Variants in ABCA13 observed in about 807,000 individuals in gnomAD.
ABCA13 encodes the protein ATP binding cassette subfamily A member 13.
Under a neutral mutation model 478.7 loss-of-function variants are expected in ABCA13, and 476 were observed. The ratio of observed to expected loss-of-function variants is 0.99; its 90% confidence interval spans 0.92 to 1.07. The LOEUF (loss-of-function observed/expected upper bound fraction) is 1.07. ABCA13 is among the 50% of genes least tolerant of loss of function. The pLI, the probability that ABCA13 is intolerant of heterozygous loss-of-function variation, is 0.00. For missense variants in ABCA13, 6,060 were observed against 5,910.6 expected (o/e 1.03, Z -0.83); for synonymous variants, 2,252 against 2,158.9 (o/e 1.04, Z -1.20).
At chr7:48,370,055 G>A (rs1484365947) in intron 32 of ABCA13, among the ~76,000 whole-genome samples, 1 of 152,014 alleles carries the variant, frequency 6.6e-6, no homozygotes, top group African/African-American at 2.4e-5. Context: ...TGCGTCATCT[G>A]TGATTTCTTT....
chr7:48,485,050 T>C (rs1275136874), intron 47 of ABCA13, among the ~76,000 whole-genome samples: 2 of 152,218 alleles, frequency 1.3e-5, no homozygotes, highest in South Asian at 2.1e-4. Context: ...TTGTAGAATG[T>C]CTCTTGTGTG....
intron 55 of ABCA13, among the ~76,000 whole-genome samples, chr7:48,575,096 T>C (rs1788039552): frequency 6.6e-6 from 1 of 152,042 alleles, no homozygotes; most frequent in Non-Finnish European, 1.5e-5. Flanking sequence ...CATTTTATGG[T>C]ACATACTTAG....
Position 48,276,163 on chromosome 7 carries a change from C to T in ABCA13, c.6497C>T (p.Ala2166Val). The change falls in exon 17 of 62, where the codon GCT (alanine) becomes GTT (valine). Residue 2166 changes from alanine (A) to valine (V), a missense_variant. Coordinates refer to ENST00000435803, the MANE Select transcript of ABCA13 (RefSeq NM_152701.5). ...EDIALLAKAI[A>V]TFWGSLKNIS... ...ATAGCTTTGTTAGCCAAAGCTATTG[C>T]TACTTTTTGGGGCTCTTTAAAAAAT... 2 of 1,595,256 alleles carry T rather than the reference C, an allele frequency of 1.3e-6. No homozygotes were observed. The highest frequency in any genetic ancestry group is 1.7e-6 in the Non-Finnish European group (2 of 1,171,052).
chr7:48,603,396 A>G (rs1013560842), intron 58 of ABCA13, among the ~76,000 whole-genome samples: 4 of 152,166 alleles, frequency 2.6e-5, no homozygotes, highest in Admixed American at 2.0e-4. Flanking sequence ...ATTTTGCAGT[A>G]TGTTCCATCA....
intron 1 of ABCA13, among the ~76,000 whole-genome samples, chr7:48,179,076 G>A (rs535952526): frequency 4.6e-5 from 7 of 151,598 alleles, no homozygotes; most frequent in Admixed American, 2.0e-4. Context: ...GTGAATGCAG[G>A]TCTCCTTGGG....
intron 55 of ABCA13, among the ~76,000 whole-genome samples, chr7:48,542,063 T>G (rs1475981415): frequency 6.6e-6 from 1 of 151,590 alleles, no homozygotes; most frequent in East Asian, 1.9e-4. Context: ...CTAAATAAAA[T>G]ACATTCTTTG....
At chr7:48,351,827 C>G (rs1215224887) in intron 30 of ABCA13, among the ~76,000 whole-genome samples, 1 of 152,036 alleles carries the variant, frequency 6.6e-6, no homozygotes, top group Non-Finnish European at 1.5e-5. Context: ...GATAAGTAAC[C>G]CCAAAGAGAT....
At chr7:48,512,583 A>C (rs1036464305) in intron 51 of ABCA13, among the ~76,000 whole-genome samples, 1 of 152,222 alleles carries the variant, frequency 6.6e-6, no homozygotes, top group Non-Finnish European at 1.5e-5. Context: ...CTCTATTTCA[A>C]GTAAAATAGA....
At position 48,274,152 on chromosome 7, in the gene ABCA13, T is replaced by A. The variant is rs1161097390; in HGVS notation, c.4486T>A (p.Ser1496Thr). ...FEILLALLNDSTKQVRMSINN... is the reference protein window; with the variant it reads ...FEILLALLNDTTKQVRMSINN... ...GATTTTATTAGCTCTTTTAAATGAT[T>A]CCACAAAGCAAGTAAGGATGAGTAT... The change falls in exon 17 of 62, where the codon TCC becomes ACC. Residue 1496 changes from serine to threonine, a missense_variant. Physicochemically the swap from Ser to Thr is moderately conservative, Grantham distance 58. This residue lies in a region of ABCA13 where 4,423 missense variants were observed against 4,309.1 expected (regional missense o/e 1.03). Transcript: ENST00000435803. 1 of 1,609,776 alleles carries A rather than the reference T, an allele frequency of 6.2e-7. No homozygotes were observed.
chr7:48,267,976 C>A (rs1795081402), intron 15 of ABCA13, among the ~76,000 whole-genome samples: 1 of 151,934 alleles, frequency 6.6e-6, no homozygotes. Flanking sequence ...ATTTGTTAGG[C>A]AGGACTGGCA....
intron 55 of ABCA13, among the ~76,000 whole-genome samples, chr7:48,579,981 T>G (rs2131361617): frequency 6.6e-6 from 1 of 152,292 alleles, no homozygotes; most frequent in African/African-American, 2.4e-5. Flanking sequence ...GATAAAGAGC[T>G]TTTCCTTTGT....
intron 23 of ABCA13, among the ~76,000 whole-genome samples, chr7:48,302,558 CATT>C (rs1437115887): frequency 2.6e-5 from 4 of 152,172 alleles, no homozygotes; most frequent in African/African-American, 7.2e-5. Context: ...CATGTGTTCT[CATT>C]ATTTAGCTCC....
chr7:48,585,559 G>C (rs1423090560), intron 56 of ABCA13, among the ~76,000 whole-genome samples: 1 of 152,072 alleles, frequency 6.6e-6, no homozygotes, highest in Admixed American at 6.6e-5. Context: ...TTACTGGGGG[G>C]CATAATGATT....
intron 28 of ABCA13, 21 bp from the exon 29 acceptor site, chr7:48,338,344 A>G (rs778780602): frequency 3.1e-5 from 47 of 1,494,024 alleles, no homozygotes; most frequent in Admixed American, 3.9e-5. Context: ...ATTTTTATTA[A>G]GCTATATTAT....
intron 28 of ABCA13, 69 bp from the exon 29 acceptor site, chr7:48,338,296 C>A: frequency 1.7e-6 from 2 of 1,160,386 alleles, no homozygotes; most frequent in South Asian, 2.1e-5. Flanking sequence ...TTGAATAAGT[C>A]TAATAAGTAT....
Position 48,281,262 on chromosome 7 carries a change from T to C in ABCA13, c.8727-81T>C. The C allele has an allele frequency of 3.5e-6, 4 of 1,150,824 alleles. No individual in the cohort carries two copies. In the South Asian group the frequency reaches 4.0e-5, roughly 11 times the overall value. The allele number at this position is 1,150,824 out of a possible 1,614,324, so 71.3% of individuals were successfully genotyped here. A position where few individuals can be genotyped will look rare whatever the true frequency, so the allele number is the denominator to read the frequency against. On this transcript the variant is annotated intron_variant, in intron 18 of 61. Coordinates refer to ENST00000435803, the MANE Select transcript of ABCA13 (RefSeq NM_152701.5). Reference sequence around the variant, plus strand: ...GAGGATGGTTCTTACATGTGTGTTATAACTTAACCTACACAGTAGAGATGC... The same window carrying C: ...GAGGATGGTTCTTACATGTGTGTTACAACTTAACCTACACAGTAGAGATGC...
At chr7:48,499,173 G>A (rs1830521115) in intron 48 of ABCA13, among the ~76,000 whole-genome samples, 1 of 151,926 alleles carries the variant, frequency 6.6e-6, no homozygotes, top group Non-Finnish European at 1.5e-5. Context: ...ATTTTTTCAG[G>A]ATAGATTGAT....
intron 3 of ABCA13, among the ~76,000 whole-genome samples, chr7:48,216,996 G>T (rs968635139): frequency 1.3e-5 from 2 of 152,076 alleles, no homozygotes; most frequent in Admixed American, 6.5e-5. Flanking sequence ...GTATTCCTAA[G>T]TAGTTAATAT....
chr7:48,597,192 C>T (rs557249480), intron 58 of ABCA13, among the ~76,000 whole-genome samples: 33 of 152,258 alleles, frequency 2.2e-4, no homozygotes, highest in South Asian at 8.3e-4. Context: ...CCTTGTGATC[C>T]GCCCGCCTGG....
Sources: allele counts gnomAD v4.1 joint callset (sites outside exome capture counted in the v4.1 genomes callset), GRCh38; gene constraint gnomAD v4.1.1; regional missense constraint gnomAD v4.1.1; transcripts MANE v1.5; gene names NCBI Gene and HGNC (gene_info 2026-07-23, HGNC 2026-07-21).